CEP112: variants seen among roughly 807,000 people sequenced by gnomAD.
CEP112 encodes the protein centrosomal protein 112, also known as centrosomal protein of 112 kDa.
In CEP112, 127 loss-of-function variants were observed where a neutral mutation model predicts 153.0. The observed-to-expected ratio is 0.83, with a 90% CI of 0.72 to 0.96. The LOEUF is 0.96. CEP112 is among the 40% of genes least tolerant of loss of function. The pLI is 0.00. For missense variants in CEP112, 1,089 were observed against 1,101.2 expected, an observed-to-expected ratio of 0.99 and a Z score of 0.16; for synonymous variants, 358 against 374.4, an observed-to-expected ratio of 0.96 and a Z score of 0.51.
chr17:65,636,158 G>A (rs562704531), intron 26 of CEP112, among the ~76,000 whole-genome samples, 184 bp from the exon 27 acceptor site: 4 of 152,254 alleles, frequency 2.6e-5, no homozygotes, highest in Non-Finnish European at 4.4e-5. Context: ...AGAATCTTTC[G>A]AAAAATGTGT....
chr17:65,840,383 G>A (rs2057472544), intron 21 of CEP112, among the ~76,000 whole-genome samples: 1 of 152,038 alleles, frequency 6.6e-6, no homozygotes, highest in South Asian at 2.1e-4. Flanking sequence ...TGACAAAGGT[G>A]CCAAGAACAT....
At chr17:65,742,915 T>C (rs1444625806) in intron 23 of CEP112, among the ~76,000 whole-genome samples, 153 bp downstream of exon 23, 1 of 152,236 alleles carries the variant, frequency 6.6e-6, no homozygotes, top group Non-Finnish European at 1.5e-5. Flanking sequence ...AGTCACTGGA[T>C]ACATCAAAGG....
Position 65,649,073 on chromosome 17 carries a change from AACACAC to A in CEP112, c.2698-8014_2698-8009del, listed in dbSNP as rs71158400. Among the ~76,000 whole-genome samples the A allele has an allele frequency of 1.9e-3, 271 of 139,938 alleles. 3 individuals are homozygous for A. Among genetic ancestry groups the A allele is most frequent in the South Asian group, 9.0e-3 (38 of 4,202 alleles). 91.8% of individuals were successfully genotyped at this position (139,938 alleles called of 152,430 possible). A position where few individuals can be genotyped will look rare whatever the true frequency, so the allele number is the denominator to read the frequency against. ...CTCAAAACAAACAAACAAACAAACA[AACACAC>A]ACACACACACACACACACACACACA... On this transcript the variant is annotated intron_variant, in intron 24 of 26. Transcript: ENST00000535342.
At chr17:66,045,155 T>C (rs1280876849) in intron 12 of CEP112, among the ~76,000 whole-genome samples, 1 of 152,054 alleles carries the variant, frequency 6.6e-6, no homozygotes, top group African/African-American at 2.4e-5. Flanking sequence ...ACTGCAGTCT[T>C]GGCTTCCTGG....
chr17:65,721,172 G>C (rs975147343), intron 23 of CEP112, among the ~76,000 whole-genome samples: 2 of 151,968 alleles, frequency 1.3e-5, no homozygotes, highest in South Asian at 2.1e-4. Context: ...TACCATGCCT[G>C]GCTAATTTTT....
chr17:65,850,132 C>T (rs574186434), intron 21 of CEP112, among the ~76,000 whole-genome samples: 6 of 125,906 alleles, frequency 4.8e-5, no homozygotes, highest in South Asian at 5.2e-4. Context: ...CCAGCCTGGG[C>T]GACAGAGTGA....
intron 20 of CEP112, among the ~76,000 whole-genome samples, chr17:65,896,788 T>C (rs1297344438): frequency 6.6e-6 from 1 of 152,084 alleles, no homozygotes; most frequent in Admixed American, 6.6e-5. Context: ...TTTGAATATA[T>C]ACAGAAAGTT....
intron 4 of CEP112, among the ~76,000 whole-genome samples, chr17:66,153,544 T>C (rs986499416): frequency 2.0e-5 from 3 of 151,914 alleles, no homozygotes; most frequent in Admixed American, 6.6e-5. Context: ...TATCAATTCT[T>C]CTTAATTTAT....
intron 12 of CEP112, among the ~76,000 whole-genome samples, chr17:66,035,008 A>ATATATTTT (rs1454121288): frequency 6.4e-4 from 46 of 72,192 alleles, no homozygotes; most frequent in Admixed American, 2.1e-3. Context: ...ATATATATAT[A>ATATATTTT]TTTTTTTTTT....
In CEP112 at chr17:65,921,005, T is replaced by C. The variant is rs185965998; in HGVS notation, c.1980+6577A>G. Among the ~76,000 whole-genome samples, 170 of 152,252 alleles carry C rather than the reference T, an allele frequency of 1.1e-3. 1 individual carries two copies. Among genetic ancestry groups the C allele is most frequent in the African/African-American group, 3.9e-3 (160 of 41,538 alleles). On this transcript the variant is annotated intron_variant, in intron 19 of 26. Transcript: ENST00000535342. ...TAACTATTCCTCAGAACTCTAAGCA[T>C]TGGGAAACTTTAAACTTTTTTTTTT...
chr17:65,993,460 A>G (rs1260807275), intron 17 of CEP112, among the ~76,000 whole-genome samples: 2 of 152,194 alleles, frequency 1.3e-5, no homozygotes, highest in African/African-American at 4.8e-5. Context: ...TAATATGTGT[A>G]TTCTTAACAA....
At chr17:65,929,869 T>G (rs992321506) in intron 18 of CEP112, among the ~76,000 whole-genome samples, 1 of 152,248 alleles carries the variant, frequency 6.6e-6, no homozygotes, top group Non-Finnish European at 1.5e-5. Context: ...AAAAGCATGT[T>G]GGATCTAACT....
chr17:65,703,070 A>G (rs1177670292), intron 23 of CEP112, among the ~76,000 whole-genome samples: 1 of 152,182 alleles, frequency 6.6e-6, no homozygotes, highest in Non-Finnish European at 1.5e-5. Context: ...TGTAGTTTCA[A>G]GCAACCACTG....
intron 19 of CEP112, among the ~76,000 whole-genome samples, chr17:65,905,778 AC>A (rs1454569800): frequency 3.3e-5 from 5 of 152,070 alleles, no homozygotes; most frequent in Admixed American, 6.5e-5. Flanking sequence ...AAATAAAAAA[AC>A]AAAAACAAAA....
intron 17 of CEP112, among the ~76,000 whole-genome samples, chr17:65,968,906 T>C (rs17697856): frequency 0.41 from 62,931 of 152,028 alleles, 14,431 homozygotes; most frequent in East Asian, 0.87. Flanking sequence ...TAAGTACTTA[T>C]CGTAATTTAT....
chr17:65,965,695 TC>T (rs2062389720), intron 17 of CEP112, among the ~76,000 whole-genome samples: 2 of 151,954 alleles, frequency 1.3e-5, no homozygotes, highest in Admixed American at 6.6e-5. Flanking sequence ...CTAATTTTTT[TC>T]TTTTTTGTAG....
At chr17:66,163,749 T>G (rs529714184) in intron 4 of CEP112, among the ~76,000 whole-genome samples, 4 of 152,282 alleles carry the variant, frequency 2.6e-5, no homozygotes, top group Non-Finnish European at 5.9e-5. Context: ...TTTATTAATA[T>G]ATCTCTGACT....
chr17:65,798,786 C>T (rs1418240150), intron 21 of CEP112, among the ~76,000 whole-genome samples: 1 of 152,176 alleles, frequency 6.6e-6, no homozygotes, highest in Non-Finnish European at 1.5e-5. Context: ...CCTTGAAGTG[C>T]TTTTCTGATG....
intron 6 of CEP112, among the ~76,000 whole-genome samples, chr17:66,117,297 T>C (rs1384677924): frequency 1.3e-5 from 2 of 152,264 alleles, no homozygotes; most frequent in East Asian, 3.9e-4. Flanking sequence ...GTCACTCTGA[T>C]AGGCTTCAGC....
Sources: allele counts gnomAD v4.1 joint callset (sites outside exome capture counted in the v4.1 genomes callset), GRCh38; gene constraint gnomAD v4.1.1; transcripts MANE v1.5; gene names NCBI Gene and HGNC (gene_info 2026-07-23, HGNC 2026-07-21).